Variants in RALGPS1 observed in about 807,000 individuals in gnomAD.
The protein encoded by RALGPS1 is Ral GEF with PH domain and SH3 binding motif 1.
In RALGPS1, 19 loss-of-function variants were observed where a neutral mutation model predicts 78.8. The observed-to-expected ratio is 0.24, with a 90% CI of 0.17 to 0.35. The LOEUF (loss-of-function observed/expected upper bound fraction) is 0.35, where lower values mean the gene tolerates loss of function less well. RALGPS1 is among the 10% of genes least tolerant of loss of function. The probability of loss-of-function intolerance (pLI) is 1.00; values close to 1 mark genes in which losing one functional copy is unlikely to be tolerated. For synonymous variants in RALGPS1, 228 were observed against 256.3 expected, an observed-to-expected ratio of 0.89 and a Z score of 1.06; for missense variants, 454 against 688.3, an observed-to-expected ratio of 0.66 and a Z score of 3.81.
At chr9:126,935,050 C>G (rs1437154073) in intron 1 of RALGPS1, among the ~76,000 whole-genome samples, 2 of 152,328 alleles carry the variant, frequency 1.3e-5, no homozygotes. Context: ...TTCTTGCCCC[C>G]TGAGATTCTG....
intron 4 of RALGPS1, among the ~76,000 whole-genome samples, chr9:126,982,389 G>A (rs1330368230): frequency 6.6e-6 from 1 of 152,120 alleles, no homozygotes; most frequent in East Asian, 1.9e-4. Flanking sequence ...CTAAGTTTTG[G>A]TTTCCTCATT....
chr9:127,099,590 G>A (rs1427835687), intron 8 of RALGPS1, among the ~76,000 whole-genome samples: 2 of 152,222 alleles, frequency 1.3e-5, no homozygotes, highest in East Asian at 3.8e-4. Flanking sequence ...TCGGGGGATG[G>A]GGTGTGAGGG....
chr9:126,960,924 C>T lies in RALGPS1; in HGVS notation c.-65-1301C>T, dbSNP rs566584757. ...CTCCACTTCAGTGCCTGGGGAGTCT[C>T]TGTCCTTCCTGTCTCTCAGTCTCTC... On this transcript the variant is annotated intron_variant, in intron 1 of 18. Transcript: ENST00000259351. Among the ~76,000 whole-genome samples, 3 of 152,248 alleles carry T rather than the reference C, an allele frequency of 2.0e-5. No homozygotes were observed. The South Asian group carries it at 6.2e-4, about 32-fold the overall frequency.
chr9:127,093,592 T>C, intron 8 of RALGPS1: 1 of 1,002,700 alleles, frequency 1.0e-6, no homozygotes. Context: ...TCGCCTCAGG[T>C]ATATGTGTTG....
chr9:126,976,922 G>C (rs754649861), intron 3 of RALGPS1, among the ~76,000 whole-genome samples: 4 of 152,226 alleles, frequency 2.6e-5, no homozygotes, highest in South Asian at 2.1e-4. Context: ...AGGTTCTTAT[G>C]ATGGGCACAG....
chr9:126,968,753 A>T (rs1438778288), intron 3 of RALGPS1, among the ~76,000 whole-genome samples: 1 of 152,156 alleles, frequency 6.6e-6, no homozygotes, highest in Non-Finnish European at 1.5e-5. Context: ...GCAATTTAAA[A>T]TTTTCTAGTA....
chr9:127,151,182 C>CAA (rs146126037), intron 8 of RALGPS1, among the ~76,000 whole-genome samples: 29 of 144,730 alleles, frequency 2.0e-4, no homozygotes, highest in South Asian at 2.2e-4. Context: ...GACTCCGTCT[C>CAA]AAAAAAAAAA....
At chr9:127,072,753 C>T (rs529035069) in intron 8 of RALGPS1, among the ~76,000 whole-genome samples, 41 of 152,126 alleles carry the variant, frequency 2.7e-4, no homozygotes, top group Middle Eastern at 3.4e-3. Context: ...GTTACAGTCC[C>T]CTTATATTTC....
rs111639923 is a variant in RALGPS1, at chr9:127,054,433, T to C, written c.483+1494T>C. Among the ~76,000 whole-genome samples the C allele has an allele frequency of 6.8e-4, 103 of 152,158 alleles. 2 individuals are homozygous for C. The highest frequency in any genetic ancestry group is 2.4e-3 in the African/African-American group (99 of 41,514). On this transcript the variant is annotated intron_variant, in intron 7 of 18. Transcript: ENST00000259351. ...TCAACAATCCCTATAAGCTGTACAGTTGGTGGAGGCAGAGATAGTTAATAC... is the reference window on the plus strand; with the variant it reads ...TCAACAATCCCTATAAGCTGTACAGCTGGTGGAGGCAGAGATAGTTAATAC...
At chr9:126,928,225 C>G (rs1320027042) in intron 1 of RALGPS1, among the ~76,000 whole-genome samples, 5 of 152,112 alleles carry the variant, frequency 3.3e-5, no homozygotes, top group Non-Finnish European at 7.3e-5. Flanking sequence ...GAGTGTAGGA[C>G]AAAGGCACAG....
At chr9:126,990,010 GGCCTTTTGTCTGGAT>G in intron 4 of RALGPS1, 1 of 1,549,958 alleles carries the variant, frequency 6.5e-7, no homozygotes, top group Non-Finnish European at 8.7e-7. Flanking sequence ...CTGACCCTCT[GGCCTTTTGTCTGGAT>G]GCCGTTTGCC....
chr9:126,960,952 C>T (rs555400109), intron 1 of RALGPS1, among the ~76,000 whole-genome samples: 1 of 152,270 alleles, frequency 6.6e-6, no homozygotes, highest in South Asian at 2.1e-4. Context: ...AGTCTCTCTC[C>T]CCTCTGACTT....
intron 11 of RALGPS1, among the ~76,000 whole-genome samples, chr9:127,192,219 G>A (rs2061104130): frequency 6.6e-6 from 1 of 152,236 alleles, no homozygotes. Context: ...TGGGCAGGGA[G>A]GGGCTGTGCA....
intron 4 of RALGPS1, among the ~76,000 whole-genome samples, chr9:126,997,493 C>G (rs1456042389): frequency 6.6e-6 from 1 of 152,148 alleles, no homozygotes; most frequent in Non-Finnish European, 1.5e-5. Context: ...AGGAGAACTA[C>G]AAACCACTGC....
intron 18 of RALGPS1, among the ~76,000 whole-genome samples, chr9:127,216,473 T>TGGAAGCCTCTGTGACCCTTGG (rs933039101): frequency 6.6e-6 from 1 of 152,186 alleles, no homozygotes; most frequent in African/African-American, 2.4e-5. Flanking sequence ...ACCAAAACCC[T>TGGAAGCCTCTGTGACCCTTGG]GGAAGCCTCT....
chr9:127,170,309 C>T (rs537068499), intron 10 of RALGPS1, among the ~76,000 whole-genome samples: 1 of 152,332 alleles, frequency 6.6e-6, no homozygotes, highest in African/African-American at 2.4e-5. Flanking sequence ...GAAACTCTAA[C>T]CATCCAGATG....
chr9:127,091,608 C>T lies in RALGPS1; in HGVS notation c.610+22252C>T. 1 of 1,566,302 alleles carries T rather than the reference C, an allele frequency of 6.4e-7. No individual in the cohort carries two copies. ...CGTTTCCAAGCCCTGGAGTCAGGGG[C>T]TCTGGCTCTGGTTGACCTCTTTTCC... is the stretch of plus-strand genomic sequence containing the variant. On this transcript the variant is annotated intron_variant, in intron 8 of 18. Coordinates refer to ENST00000259351, the MANE Select transcript of RALGPS1 (RefSeq NM_014636.3). This position sits in a 1 kb window ranked among gnomAD's most constrained non-coding sequence, Gnocchi z 4.3.
chr9:126,934,803 G>A (rs550077584), intron 1 of RALGPS1, among the ~76,000 whole-genome samples: 1 of 152,190 alleles, frequency 6.6e-6, no homozygotes, highest in Admixed American at 6.5e-5. Context: ...GTCAACCTCA[G>A]TCAGGTCCCT....
chr9:126,968,749 T>G (rs1357468617), intron 3 of RALGPS1, among the ~76,000 whole-genome samples: 1 of 152,224 alleles, frequency 6.6e-6, no homozygotes, highest in Non-Finnish European at 1.5e-5. Flanking sequence ...ATATGCAATT[T>G]AAAATTTTCT....
Sources: allele counts gnomAD v4.1 joint callset (sites outside exome capture counted in the v4.1 genomes callset), GRCh38; gene constraint gnomAD v4.1.1; non-coding constraint Gnocchi (gnomAD v3.1); transcripts MANE v1.5; gene names NCBI Gene and HGNC (gene_info 2026-07-23, HGNC 2026-07-21).